The following LRRC40 variants were observed in gnomAD, a reference collection of about 807,000 sequenced individuals.
The protein encoded by LRRC40 is leucine-rich repeat-containing protein 40.
Under a neutral mutation model 72.8 loss-of-function variants are expected in LRRC40, and 76 were observed. The ratio of observed to expected loss-of-function variants is 1.04; its 90% CI spans 0.87 to 1.26. LRRC40 has a LOEUF of 1.26. Ranked by LOEUF, LRRC40 falls within the 50% of genes most tolerant of loss-of-function variation. The probability of loss-of-function intolerance (pLI) is 0.00; values close to 1 mark genes in which losing one functional copy is unlikely to be tolerated. For missense variants in LRRC40, 684 were observed against 698.9 expected, an observed-to-expected ratio of 0.98 and a Z score of 0.24; for synonymous variants, 243 against 254.2, an observed-to-expected ratio of 0.96 and a Z score of 0.42.
At chr1:70,183,744 G>GT (rs1459918739) in intron 4 of LRRC40, among the ~76,000 whole-genome samples, 3 of 151,916 alleles carry the variant, frequency 2.0e-5, no homozygotes, top group African/African-American at 7.3e-5. Flanking sequence ...GTAGAGACAG[G>GT]TTTTTTGCCA....
chr1:70,202,150 T>A (rs1558131622), intron 1 of LRRC40, among the ~76,000 whole-genome samples: 1 of 152,188 alleles, frequency 6.6e-6, no homozygotes, highest in Non-Finnish European at 1.5e-5. Context: ...CTTACAGGGC[T>A]CAACATAGTC....
chr1:70,177,031 T>C (rs1186411856), intron 6 of LRRC40, among the ~76,000 whole-genome samples: 1 of 152,118 alleles, frequency 6.6e-6, no homozygotes, highest in African/African-American at 2.4e-5. Flanking sequence ...ATCCCAGCAC[T>C]CTGGGAGGTG....
chr1:70,146,120 G>A (rs1427196582), intron 14 of LRRC40, among the ~76,000 whole-genome samples: 1 of 151,998 alleles, frequency 6.6e-6, no homozygotes, highest in Non-Finnish European at 1.5e-5. Flanking sequence ...CACCTCCCAG[G>A]TTCAAGTAAT....
chr1:70,183,551 T>A (rs1020580246), intron 4 of LRRC40, among the ~76,000 whole-genome samples: 1 of 152,118 alleles, frequency 6.6e-6, no homozygotes, highest in African/African-American at 2.4e-5. Context: ...TTTCTTTTTC[T>A]TTCCTCTCTC....
intron 9 of LRRC40, 51 bp from the exon 10 acceptor site, chr1:70,159,489 G>T: frequency 1.3e-6 from 1 of 791,540 alleles, no homozygotes; most frequent in Non-Finnish European, 2.1e-6. Flanking sequence ...CAAAGTCATT[G>T]TTAAAATTCT....
intron 6 of LRRC40, among the ~76,000 whole-genome samples, chr1:70,177,599 C>G (rs980975010): frequency 2.0e-5 from 3 of 152,152 alleles, no homozygotes; most frequent in Admixed American, 2.0e-4. Context: ...ACTAGTGATG[C>G]TGAAAGTTCT....
At chr1:70,194,842 G>C (rs1668574979) in intron 1 of LRRC40, among the ~76,000 whole-genome samples, 1 of 152,116 alleles carries the variant, frequency 6.6e-6, no homozygotes, top group Non-Finnish European at 1.5e-5. Context: ...CATTTGTCAA[G>C]ATAGTGTAGT....
intron 1 of LRRC40, among the ~76,000 whole-genome samples, chr1:70,193,274 TATC>T (rs1668539846): frequency 6.6e-6 from 1 of 151,776 alleles, no homozygotes; most frequent in Non-Finnish European, 1.5e-5. Flanking sequence ...AGAAACAAAT[TATC>T]AAAATCAGGA....
At chr1:70,177,249 C>A (rs1480606445) in intron 6 of LRRC40, among the ~76,000 whole-genome samples, 1 of 151,998 alleles carries the variant, frequency 6.6e-6, no homozygotes, top group African/African-American at 2.4e-5. Flanking sequence ...GCACTCCAGC[C>A]TGGATGACAG....
chr1:70,191,459 T>C (rs1267066245), intron 1 of LRRC40, among the ~76,000 whole-genome samples: 1 of 152,146 alleles, frequency 6.6e-6, no homozygotes, highest in Admixed American at 6.5e-5. Flanking sequence ...TATTAATGTT[T>C]TATTATTATT....
chr1:70,167,637 G>A (rs1667912496), intron 9 of LRRC40, among the ~76,000 whole-genome samples: 1 of 152,044 alleles, frequency 6.6e-6, no homozygotes, highest in Admixed American at 6.5e-5. Flanking sequence ...TTTTGAGATG[G>A]AGTCTTGCTC....
At chr1:70,189,996 C>A (rs1256251632) in intron 1 of LRRC40, among the ~76,000 whole-genome samples, 2 of 152,190 alleles carry the variant, frequency 1.3e-5, no homozygotes, top group Non-Finnish European at 2.9e-5. Context: ...TGGCACCATA[C>A]AACACTGTGT....
chr1:70,177,358 C>T (rs929399984), intron 6 of LRRC40, among the ~76,000 whole-genome samples: 1 of 152,124 alleles, frequency 6.6e-6, no homozygotes, highest in Admixed American at 6.6e-5. Context: ...ACACACTGTA[C>T]TACTATAATA....
At chr1:70,181,434 T>C (rs1449307274) in intron 4 of LRRC40, among the ~76,000 whole-genome samples, 4 of 152,058 alleles carry the variant, frequency 2.6e-5, no homozygotes, top group Non-Finnish European at 5.9e-5. Context: ...TCAATGGTAG[T>C]AGACAGGATA....
intron 3 of LRRC40, among the ~76,000 whole-genome samples, chr1:70,186,317 T>C (rs1261183947): frequency 6.6e-6 from 1 of 152,174 alleles, no homozygotes; most frequent in Non-Finnish European, 1.5e-5. Context: ...CCTCTCTTCC[T>C]CTCAACAATC....
In LRRC40 at chr1:70,180,136, TGAGA is replaced by T. The variant is rs988081073; in HGVS notation, c.661+946_661+949del. The T allele has an allele frequency of 5.3e-5, 8 of 152,170 alleles. 1 individual carries two copies. In the East Asian group the frequency reaches 1.2e-3, roughly 22 times the overall value. The allele number at this position is 152,170 out of a possible 1,614,324, so 9.4% of individuals were successfully genotyped here. A position where few individuals can be genotyped will look rare whatever the true frequency, so the allele number is the denominator to read the frequency against. On this transcript the variant is annotated intron_variant, in intron 5 of 14. Transcript: ENST00000370952. ...TATTAATTTATTTTATTTTATTTTT[TGAGA>T]GAGAGAGAAGAGGTCTCACTATGTT...
chr1:70,195,399 A>T (rs563178416), intron 1 of LRRC40, among the ~76,000 whole-genome samples: 1 of 152,142 alleles, frequency 6.6e-6, no homozygotes, highest in African/African-American at 2.4e-5. Flanking sequence ...AAGTTGGAAC[A>T]AACACTTAAC....
At chr1:70,202,839 G>A (rs1268295335) in intron 1 of LRRC40, among the ~76,000 whole-genome samples, 1 of 152,078 alleles carries the variant, frequency 6.6e-6, no homozygotes, top group Non-Finnish European at 1.5e-5. Context: ...AAAAAAGTTC[G>A]TTAAAAAATT....
At chr1:70,189,502 C>T (rs537188858) in intron 1 of LRRC40, among the ~76,000 whole-genome samples, 1 of 152,270 alleles carries the variant, frequency 6.6e-6, no homozygotes, top group South Asian at 2.1e-4. Context: ...TTAGCTCTCA[C>T]TTTAACCTTC....
Sources: allele counts gnomAD v4.1 joint callset (sites outside exome capture counted in the v4.1 genomes callset), GRCh38; gene constraint gnomAD v4.1.1; transcripts MANE v1.5; gene names NCBI Gene and HGNC (gene_info 2026-07-23, HGNC 2026-07-21).